Variants in DRICH1 observed in about 807,000 individuals in gnomAD.
The protein encoded by DRICH1 is aspartate-rich protein 1.
In DRICH1, 38 loss-of-function variants were observed where a neutral mutation model predicts 39.5. The ratio of observed to expected loss-of-function variants is 0.96; its 90% CI spans 0.74 to 1.26. The LOEUF (loss-of-function observed/expected upper bound fraction) is 1.26, where lower values mean the gene tolerates loss of function less well. Among genes scored for constraint, DRICH1 ranks in the 50% most tolerant of loss-of-function variants. The pLI is 0.00. For synonymous variants in DRICH1, 84 were observed against 99.5 expected (o/e 0.84, Z 0.93); for missense variants, 279 against 270.4 (o/e 1.03, Z -0.22).
At chr22:23,619,523 G>C in intron 5 of DRICH1, 130 bp from the exon 6 acceptor site, 2 of 701,362 alleles carry the variant, frequency 2.9e-6, no homozygotes, top group Non-Finnish European at 5.3e-6. Flanking sequence ...ACAAAAAACA[G>C]AGAAATGCAA....
the DRICH1 span, among the ~76,000 whole-genome samples, chr22:23,597,840 A>G: frequency 1.3e-5 from 2 of 152,160 alleles, no homozygotes; most frequent in Non-Finnish European, 2.9e-5. Flanking sequence ...GGGCTGTTCC[A>G]CCGTCACCTG....
chr22:23,632,173 G>T lies in DRICH1; in HGVS notation c.-150C>A. On this transcript the variant is annotated 5_prime_UTR_variant, in exon 1 of 12. Transcript: ENST00000317749. Reference sequence around the variant, plus strand: ...CTGGGTCCTCAGCCCTTATTCTGCCGCCACCTCCCAAACTAGCTGGTCTAT... The same window carrying T: ...CTGGGTCCTCAGCCCTTATTCTGCCTCCACCTCCCAAACTAGCTGGTCTAT... 7.7e-7 allele frequency: 1 copy of T among 1,295,366 alleles called. No homozygotes were observed. The highest frequency in any genetic ancestry group is 2.6e-5 in the Admixed American group (1 of 38,612). The allele number at this position is 1,295,366 out of a possible 1,614,324, so 80.2% of individuals were successfully genotyped here.
At chr22:23,616,727 C>T (rs1927370465) in intron 8 of DRICH1, 126 bp downstream of exon 8, 2 of 1,283,052 alleles carry the variant, frequency 1.6e-6, no homozygotes, top group African/African-American at 3.0e-5. Context: ...CATAGCTATA[C>T]ACTTGCAGAA....
chr22:23,584,580 T>G, the DRICH1 span, among the ~76,000 whole-genome samples: 1 of 152,220 alleles, frequency 6.6e-6, no homozygotes, highest in African/African-American at 2.4e-5. Flanking sequence ...CTTCAAAATA[T>G]TCTTCAAAGC....
the DRICH1 span, among the ~76,000 whole-genome samples, chr22:23,593,273 TAGA>T: frequency 1.3e-5 from 2 of 152,156 alleles, no homozygotes; most frequent in African/African-American, 2.4e-5. Context: ...AAAAATTCAG[TAGA>T]AGAAGTCAAT....
At chr22:23,584,412 C>A in the DRICH1 span, among the ~76,000 whole-genome samples, 1 of 152,160 alleles carries the variant, frequency 6.6e-6, no homozygotes, top group Middle Eastern at 3.2e-3. Flanking sequence ...CTCTATGCCC[C>A]AGGCCTCAAA....
chr22:23,597,459 C>G, the DRICH1 span, among the ~76,000 whole-genome samples: 1 of 129,082 alleles, frequency 7.7e-6, no homozygotes, highest in African/African-American at 3.1e-5. Context: ...GCCATGATCA[C>G]ACCACTGCAC....
the DRICH1 span, among the ~76,000 whole-genome samples, chr22:23,589,721 G>C: frequency 6.6e-6 from 1 of 152,082 alleles, no homozygotes; most frequent in Admixed American, 6.5e-5. Context: ...TCACATGGCC[G>C]CAGCTGGTGC....
chr22:23,582,465 GATACCTCC>G, the DRICH1 span, among the ~76,000 whole-genome samples: 5 of 151,722 alleles, frequency 3.3e-5, no homozygotes, highest in Non-Finnish European at 7.4e-5. Flanking sequence ...GGGTACTCTG[GATACCTCC>G]TATGGATGGG....
In DRICH1 at chr22:23,631,831, G is replaced by A. The variant is rs1279376355; in HGVS notation, c.193C>T (p.Gln65Ter). The change falls in exon 1 of 12, where the codon CAA becomes TAA. Residue 65 changes from glutamine to a stop codon, truncating the protein, a stop_gained. Transcript: ENST00000317749. LOFTEE classifies it high-confidence loss of function. ...EGQDLQHISN[Q>*]KMPTGPPEDR... is the part of the protein sequence containing the mutation. ...GCTTTTTTACCTGTGGGCATCTTTT[G>A]GTTGCTGATGTGCTGCAGGTCTTGG... 1 of 1,612,080 alleles carries A rather than the reference G, an allele frequency of 6.2e-7. No individual in the cohort carries two copies. The highest frequency in any genetic ancestry group is 2.2e-5 in the East Asian group (1 of 44,890).
intron 6 of DRICH1, 102 bp downstream of exon 6, chr22:23,619,262 A>G: frequency 1.4e-6 from 1 of 719,108 alleles, no homozygotes; most frequent in Non-Finnish European, 2.6e-6. Flanking sequence ...AGTTTCTAAA[A>G]GTAAAAAACA....
At chr22:23,592,873 CACACACAA>C in the DRICH1 span, among the ~76,000 whole-genome samples, 86 of 139,992 alleles carry the variant, frequency 6.1e-4, no homozygotes, top group African/African-American at 2.3e-3. Context: ...CACACACACA[CACACACAA>C]AATTAGCTGG....
the DRICH1 span, among the ~76,000 whole-genome samples, chr22:23,602,413 A>G: frequency 6.6e-6 from 1 of 151,260 alleles, no homozygotes; most frequent in Non-Finnish European, 1.5e-5. Context: ...GGCTGAGAGC[A>G]GGGGCTCACC....
Position 23,625,967 on chromosome 22 carries a change from A to C in DRICH1, c.276+14T>G. 2 of 1,606,336 alleles carry C rather than the reference A, an allele frequency of 1.2e-6. No individual in the cohort carries two copies. Among genetic ancestry groups the C allele is most frequent in the Non-Finnish European group, 1.7e-6 (2 of 1,173,778 alleles). On this transcript the variant is annotated intron_variant, in intron 2 of 11. Transcript: ENST00000317749. ...AGCAACATTTCCTTAGAAGGCAAAG[A>C]AAGGGGGTCTTACCTTGGCATCATC...
intron 3 of DRICH1, among the ~76,000 whole-genome samples, chr22:23,622,468 T>TCTCAAATGTTTTGAAA (rs1223364714): frequency 6.6e-6 from 1 of 152,174 alleles, no homozygotes; most frequent in Non-Finnish European, 1.5e-5. Context: ...CCTTCCTACC[T>TCTCAAATGTTTTGAAA]CTCAAATGTT....
chr22:23,619,949 A>T (rs745337227), intron 5 of DRICH1, among the ~76,000 whole-genome samples: 194 of 152,308 alleles, frequency 1.3e-3, no homozygotes, highest in Non-Finnish European at 2.2e-3. Flanking sequence ...TGTCTCCAGG[A>T]GTGAGTAACT....
rs751869187 is a variant in DRICH1, at chr22:23,625,950, T to C, written c.276+31A>G. ...GTTTCTGACATCAGGAAAGCAACAT[T>C]TCCTTAGAAGGCAAAGAAAGGGGGT... On this transcript the variant is annotated intron_variant, in intron 2 of 11. Transcript: ENST00000317749. 4.4e-6 allele frequency: 7 copies of C among 1,573,278 alleles called. No homozygotes were observed. In the South Asian group the frequency reaches 8.3e-5, roughly 19 times the overall value.
At chr22:23,630,957 T>A (rs1928351737) in intron 1 of DRICH1, 1 of 152,102 alleles carries the variant, frequency 6.6e-6, no homozygotes, top group Admixed American at 6.6e-5. Flanking sequence ...TGATACACAC[T>A]GGGGCCTGTC....
At chr22:23,589,474 A>G in the DRICH1 span, among the ~76,000 whole-genome samples, 2 of 131,394 alleles carry the variant, frequency 1.5e-5, no homozygotes, top group Non-Finnish European at 3.3e-5. Context: ...AAAAACATAC[A>G]TATGTACATA....
Sources: gnomAD v4.1 joint callset for allele counts (sites outside exome capture counted in the v4.1 genomes callset) on GRCh38, gnomAD v4.1.1 for gene constraint, MANE v1.5 for transcripts, NCBI Gene and HGNC (gene_info 2026-07-23, HGNC 2026-07-21) for gene names.